CFAP47: variants seen among roughly 807,000 people sequenced by gnomAD.
The protein encoded by CFAP47 is cilia and flagella associated protein 47.
CFAP47 carries 29 observed loss-of-function variants against 148.1 expected under a neutral mutation model. The ratio of observed to expected loss-of-function variants is 0.20; its 90% confidence interval spans 0.15 to 0.27. The LOEUF (loss-of-function observed/expected upper bound fraction) is 0.27. Ranked by LOEUF, CFAP47 falls within the 10% of genes least tolerant of loss-of-function variation. The pLI is 1.00. For missense variants in CFAP47, 1,872 were observed against 1,697.5 expected (o/e 1.10, Z -1.81); for synonymous variants, 664 against 577.3 (o/e 1.15, Z -2.15).
rs188076650 is a variant in CFAP47 at position 36,134,542 on chromosome X, G to A, written c.5321-3416G>A. ...AGCAATTAAATCAAGTAAGGCTAGT[G>A]TTTTCAACAAATATTACTTGAATAA... On this transcript the variant is annotated intron_variant, in intron 33 of 63. Transcript: ENST00000378653. 2.1e-3 allele frequency among the ~76,000 whole-genome samples: 227 copies of A among 110,618 alleles called. 1 individual carries two copies. The highest frequency in any genetic ancestry group is 7.1e-3 in the African/African-American group (215 of 30,166).
chrX:36,010,924 TTCTTCATAA>T (rs1937032603), intron 21 of CFAP47, among the ~76,000 whole-genome samples: 1 of 111,629 alleles, frequency 9.0e-6, no homozygotes, highest in Admixed American at 9.5e-5. Flanking sequence ...TGGCTGGGAT[TTCTTCATAA>T]TCTTTTGTTT....
chrX:36,235,925 A>G lies in CFAP47; in HGVS notation c.7015-9A>G. On this transcript the variant is annotated splice_polypyrimidine_tract_variant and intron_variant, in intron 46 of 63. Coordinates refer to ENST00000378653, the MANE Select transcript of CFAP47 (RefSeq NM_001304548.2). ...TCTCTGATATTTCTGTACCTTTTTC[A>G]TGCTTTAGAAAAATCAAACAAACGA... 1 of 469,492 alleles carries G rather than the reference A, an allele frequency of 2.1e-6. No individual in the cohort carries two copies. Among genetic ancestry groups the G allele is most frequent in the Non-Finnish European group, 3.8e-6 (1 of 263,002 alleles). The allele number at this position is 469,492 out of a possible 1,213,427, so 38.7% of individuals were successfully genotyped here.
At position 36,261,973 on chromosome X, in the gene CFAP47, C is replaced by T. The variant is rs927603177; in HGVS notation, c.7444+10529C>T. On this transcript the variant is annotated intron_variant, in intron 49 of 63. Coordinates refer to ENST00000378653, the MANE Select transcript of CFAP47 (RefSeq NM_001304548.2). ...GGGGGCTGACCCCCCACCTCCCTCC[C>T]GGACGGGGTGGCTGGCCGGGCGGGG... Among the ~76,000 whole-genome samples the T allele has an allele frequency of 6.4e-5, 7 of 109,854 alleles. No homozygotes were observed. The Admixed American group carries it at 7.5e-4, about 12-fold the overall frequency.
chrX:36,079,435 G>A (rs2336367), intron 29 of CFAP47, among the ~76,000 whole-genome samples: 28,529 of 110,131 alleles, frequency 0.26, 5,169 homozygotes, highest in African/African-American at 0.64. Flanking sequence ...TTGATCTTCA[G>A]TCACTGATAC....
chrX:35,956,214 T>C lies in CFAP47; in HGVS notation c.1410+18T>C, dbSNP rs1936244056. ...GTATGGTGGTAAGATAATTTTTCTTTGCGTTTACATGGCAGCTAACATTTT... is the reference window on the plus strand; with the variant it reads ...GTATGGTGGTAAGATAATTTTTCTTCGCGTTTACATGGCAGCTAACATTTT... On this transcript the variant is annotated intron_variant, in intron 8 of 63. Transcript: ENST00000378653. The C allele has an allele frequency of 9.0e-7, 1 of 1,110,949 alleles. No homozygotes were observed. The highest frequency in any genetic ancestry group is 1.8e-5 in the African/African-American group (1 of 55,139). 91.6% of individuals were successfully genotyped at this position (1,110,949 alleles called of 1,213,427 possible). A position where few individuals can be genotyped will look rare whatever the true frequency, so the allele number is the denominator to read the frequency against.
At chrX:35,943,005 A>G (rs776091627) in intron 3 of CFAP47, among the ~76,000 whole-genome samples, 9 of 111,515 alleles carry the variant, frequency 8.1e-5, no homozygotes, top group Non-Finnish European at 1.1e-4. Flanking sequence ...AATGAATTAC[A>G]TTTTCTTAGT....
chrX:36,183,446 G>A (rs1939773292), intron 40 of CFAP47, among the ~76,000 whole-genome samples: 2 of 112,066 alleles, frequency 1.8e-5, no homozygotes, highest in Admixed American at 9.5e-5. Flanking sequence ...ACATGAGGCT[G>A]TATGTTATTG....
At chrX:36,002,623 C>T (rs917673711) in intron 21 of CFAP47, among the ~76,000 whole-genome samples, 2 of 111,260 alleles carry the variant, frequency 1.8e-5, no homozygotes, top group East Asian at 5.7e-4. Flanking sequence ...CAAAAAACTG[C>T]ATATTAGTGT....
At chrX:36,083,099 A>C (rs919157649) in intron 29 of CFAP47, among the ~76,000 whole-genome samples, 2 of 111,051 alleles carry the variant, frequency 1.8e-5, no homozygotes, top group Non-Finnish European at 3.8e-5. Flanking sequence ...TTTAAAACTC[A>C]TCATTTTCAA....
At chrX:36,036,071 G>A (rs999637460) in intron 24 of CFAP47, among the ~76,000 whole-genome samples, 4 of 111,357 alleles carry the variant, frequency 3.6e-5, no homozygotes, top group Non-Finnish European at 5.7e-5. Flanking sequence ...AGGATTTGAT[G>A]TATGTATACA....
At chrX:36,014,985 A>G (rs1373933551) in intron 22 of CFAP47, 73 bp downstream of exon 22, 2 of 277,896 alleles carry the variant, frequency 7.2e-6, no homozygotes, top group African/African-American at 5.6e-5. Context: ...AAGATAAAAA[A>G]TAGAATATGC....
chrX:36,179,499 A>G (rs1487445282), intron 40 of CFAP47, 77 bp downstream of exon 40: 5 of 283,376 alleles, frequency 1.8e-5, no homozygotes, highest in African/African-American at 5.5e-5. Context: ...AACTAGTTAT[A>G]TAATTACACA....
chrX:36,197,173 T>C (rs1178187057), intron 42 of CFAP47, among the ~76,000 whole-genome samples: 3 of 112,308 alleles, frequency 2.7e-5, no homozygotes, highest in South Asian at 3.6e-4. Context: ...ACTGTGTGTG[T>C]AAGATGTAGA....
At chrX:35,966,165 T>A (rs1191795598) in intron 8 of CFAP47, among the ~76,000 whole-genome samples, 2 of 105,697 alleles carry the variant, frequency 1.9e-5, no homozygotes, top group Non-Finnish European at 3.9e-5. Flanking sequence ...AATAATTTTT[T>A]AAATAATTTC....
intron 25 of CFAP47, among the ~76,000 whole-genome samples, chrX:36,043,527 A>C (rs1937430237): frequency 8.8e-6 from 1 of 113,293 alleles, no homozygotes; most frequent in South Asian, 3.5e-4. Flanking sequence ...CACAGGCCCC[A>C]TGCAAGTCTG....
In CFAP47 at chrX:36,201,337, A is replaced by T. The variant is rs1490471679; in HGVS notation, c.6500A>T (p.Asp2167Val). ...AAACCCTATCAAATCCTGTATGTGG[A>T]CCTTAAATTGCCAATGACTAATGAA... is the stretch of plus-strand genomic sequence containing the variant. ...KCKPYQILYV[D>V]LKLPMTNEAK... The change falls in exon 44 of 64, where the codon GAC becomes GTC. Residue 2167 changes from aspartate to valine, a missense_variant. Physicochemically the swap from Asp to Val is radical, Grantham distance 152 (BLOSUM62 -3). Coordinates refer to ENST00000378653, the MANE Select transcript of CFAP47 (RefSeq NM_001304548.2). 3.4e-6 allele frequency: 1 copy of T among 295,354 alleles called. No homozygotes were observed. The highest frequency in any genetic ancestry group is 5.9e-6 in the Non-Finnish European group (1 of 169,772). 24.3% of individuals were successfully genotyped at this position (295,354 alleles called of 1,213,427 possible).
At chrX:35,940,640 C>A (rs773488630) in intron 2 of CFAP47, among the ~76,000 whole-genome samples, 103 of 111,190 alleles carry the variant, frequency 9.3e-4, no homozygotes, top group African/African-American at 3.3e-3. Flanking sequence ...GAAGTAGACT[C>A]TGTCTCTCTT....
chrX:36,378,002 A>G, intron 62 of CFAP47, among the ~76,000 whole-genome samples: 1 of 111,947 alleles, frequency 8.9e-6, no homozygotes, highest in African/African-American at 3.2e-5. Flanking sequence ...GATACTCAAT[A>G]CATATTTGCT....
intron 9 of CFAP47, 91 bp downstream of exon 9, chrX:35,966,845 A>T: frequency 1.6e-6 from 1 of 636,367 alleles, no homozygotes; most frequent in Non-Finnish European, 2.2e-6. Flanking sequence ...TTACACACGC[A>T]CATATATGTG....
Sources: gnomAD v4.1 joint callset for allele counts (sites outside exome capture counted in the v4.1 genomes callset) on GRCh38, gnomAD v4.1.1 for gene constraint, MANE v1.5 for transcripts, NCBI Gene and HGNC (gene_info 2026-07-23, HGNC 2026-07-21) for gene names.